The following KIF6 variants were observed in gnomAD, a reference collection of about 807,000 sequenced individuals.
KIF6 encodes kinesin family member 6.
KIF6 carries 106 observed loss-of-function variants against 112.7 expected under a neutral mutation model. That is an observed-to-expected ratio of 0.94 (90% CI 0.80 to 1.11). The LOEUF (loss-of-function observed/expected upper bound fraction) is 1.11, where lower values mean the gene tolerates loss of function less well. KIF6 is among the 50% of genes least tolerant of loss of function. The pLI, the probability that KIF6 is intolerant of heterozygous loss-of-function variation, is 0.00. For missense variants in KIF6, 929 were observed against 964.0 expected (o/e 0.96, Z 0.48); for synonymous variants, 339 against 339.9 (o/e 1.00, Z 0.03).
At chr6:39,443,272 G>T (rs1772069611) in intron 13 of KIF6, among the ~76,000 whole-genome samples, 1 of 151,810 alleles carries the variant, frequency 6.6e-6, no homozygotes, top group East Asian at 1.9e-4. Context: ...GTCCTGTTGA[G>T]TGGCTTCCAC....
intron 3 of KIF6, among the ~76,000 whole-genome samples, chr6:39,710,479 A>AC (rs1789484355): frequency 6.6e-6 from 1 of 151,756 alleles, no homozygotes; most frequent in Non-Finnish European, 1.5e-5. Context: ...GAAAAAAAAA[A>AC]AAACCCAGTG....
At chr6:39,471,407 G>C (rs986232913) in intron 13 of KIF6, among the ~76,000 whole-genome samples, 3 of 152,132 alleles carry the variant, frequency 2.0e-5, no homozygotes, top group Non-Finnish European at 4.4e-5. Flanking sequence ...CCCTGGGCCA[G>C]CTACCTACAT....
intron 3 of KIF6, among the ~76,000 whole-genome samples, chr6:39,641,932 G>T (rs1490770573): frequency 6.6e-6 from 1 of 152,004 alleles, no homozygotes; most frequent in Non-Finnish European, 1.5e-5. Flanking sequence ...AAATAAAAAG[G>T]GTAAGGCTTG....
At chr6:39,683,183 G>T (rs1265459734) in intron 3 of KIF6, among the ~76,000 whole-genome samples, 4 of 152,170 alleles carry the variant, frequency 2.6e-5, no homozygotes, top group Non-Finnish European at 4.4e-5. Flanking sequence ...GGGGATGATT[G>T]GATATGATCT....
intron 15 of KIF6, among the ~76,000 whole-genome samples, chr6:39,391,173 A>G (rs568732389): frequency 1.3e-5 from 2 of 152,222 alleles, no homozygotes; most frequent in Non-Finnish European, 2.9e-5. Context: ...ATTATGAGAC[A>G]TATTTCTGAA....
chr6:39,376,567 C>T (rs545082449), intron 16 of KIF6, among the ~76,000 whole-genome samples: 3 of 152,244 alleles, frequency 2.0e-5, no homozygotes, highest in Non-Finnish European at 1.5e-5. Context: ...CTAAGTTTCA[C>T]TCATTCATTC....
intron 13 of KIF6, among the ~76,000 whole-genome samples, chr6:39,466,793 C>T (rs1773817278): frequency 6.6e-6 from 1 of 152,216 alleles, no homozygotes. Flanking sequence ...CCTTCCTCCA[C>T]CCAGGCCCCT....
At chr6:39,602,569 T>C (rs1782636908) in intron 6 of KIF6, among the ~76,000 whole-genome samples, 2 of 152,324 alleles carry the variant, frequency 1.3e-5, no homozygotes, top group South Asian at 4.1e-4. Context: ...TCTTGTGTTC[T>C]GGAATCTCTA....
rs757925611 is a variant in KIF6, at chr6:39,540,166, G to A, written c.1482C>T (p.His494=). The A allele has an allele frequency of 6.8e-6, 11 of 1,614,038 alleles. No individual in the cohort carries two copies. Among genetic ancestry groups the A allele is most frequent in the Non-Finnish European group, 5.1e-6 (6 of 1,180,024 alleles). ...KEKKKAQEAL[H]LAGMDRREFR... ...ATTCACGTCTATCCATGCCAGCCAA[G>A]TGGAGAGCCTCCTGAGCTTTCTTCT... The change falls in exon 13 of 23, where the codon CAC becomes CAT. Residue 494 remains histidine, a synonymous_variant. Coordinates refer to ENST00000287152, the MANE Select transcript of KIF6 (RefSeq NM_145027.6).
intron 3 of KIF6, among the ~76,000 whole-genome samples, chr6:39,683,005 C>G (rs527767931): frequency 6.6e-6 from 1 of 152,340 alleles, no homozygotes; most frequent in South Asian, 2.1e-4. Flanking sequence ...AGGGCAAGAA[C>G]AATCTTGTCT....
intron 3 of KIF6, among the ~76,000 whole-genome samples, chr6:39,686,192 T>C (rs1368758000): frequency 6.6e-6 from 1 of 152,236 alleles, no homozygotes; most frequent in Non-Finnish European, 1.5e-5. Context: ...GTAAGGTGTT[T>C]AGCTTAATAG....
At chr6:39,598,131 G>T (rs569007644) in intron 6 of KIF6, among the ~76,000 whole-genome samples, 86 of 152,276 alleles carry the variant, frequency 5.6e-4, no homozygotes, top group African/African-American at 2.0e-3. Context: ...AGGTTGCAGT[G>T]AGCCAAGATA....
chr6:39,514,177 C>G (rs1776935373), intron 13 of KIF6, among the ~76,000 whole-genome samples: 1 of 152,090 alleles, frequency 6.6e-6, no homozygotes, highest in African/African-American at 2.4e-5. Flanking sequence ...AAGGGGATCC[C>G]CAAATTGCAG....
intron 10 of KIF6, among the ~76,000 whole-genome samples, chr6:39,567,611 C>A (rs1396986714): frequency 6.9e-6 from 1 of 145,016 alleles, no homozygotes; most frequent in Non-Finnish European, 1.5e-5. Flanking sequence ...GAAGTGATTT[C>A]TTTTTTTTTT....
intron 10 of KIF6, among the ~76,000 whole-genome samples, chr6:39,565,381 T>C (rs1457157048): frequency 6.6e-6 from 1 of 152,188 alleles, no homozygotes; most frequent in Admixed American, 6.5e-5. Context: ...TTGACAGCTC[T>C]AGCAAAGTAC....
chr6:39,634,793 T>A (rs982140471), intron 5 of KIF6, 56 bp downstream of exon 5: 1 of 1,004,358 alleles, frequency 1.0e-6, no homozygotes, highest in Admixed American at 1.7e-5. Context: ...AAGAAAACAA[T>A]TGAAGAGAAC....
chr6:39,367,766 G>T (rs1765678886), intron 16 of KIF6, among the ~76,000 whole-genome samples: 1 of 152,104 alleles, frequency 6.6e-6, no homozygotes, highest in Non-Finnish European at 1.5e-5. Context: ...ACTTCCCCAT[G>T]CCCTCCTCTC....
At chr6:39,609,337 C>G (rs1783077826) in intron 6 of KIF6, among the ~76,000 whole-genome samples, 1 of 152,168 alleles carries the variant, frequency 6.6e-6, no homozygotes, top group South Asian at 2.1e-4. Context: ...CAAAGGTCCC[C>G]TGCAAGCAGT....
chr6:39,418,692 T>C, intron 15 of KIF6, among the ~76,000 whole-genome samples: 1 of 152,210 alleles, frequency 6.6e-6, no homozygotes, highest in East Asian at 1.9e-4. Flanking sequence ...ACAAGGATTC[T>C]GAGTGTGGCT....
Sources: allele counts gnomAD v4.1 joint callset (sites outside exome capture counted in the v4.1 genomes callset), GRCh38; gene constraint gnomAD v4.1.1; transcripts MANE v1.5; gene names NCBI Gene and HGNC (gene_info 2026-07-23, HGNC 2026-07-21).